SULT6B1: variants seen among roughly 807,000 people sequenced by gnomAD.
SULT6B1 encodes the protein sulfotransferase family 6B member 1, also known as sulfotransferase 6B1.
SULT6B1 carries 44 observed loss-of-function variants against 37.2 expected under a neutral mutation model. That is an observed-to-expected ratio of 1.18 (90% CI 0.93 to 1.52). The LOEUF (loss-of-function observed/expected upper bound fraction) is 1.52, where lower values mean the gene tolerates loss of function less well. SULT6B1 is among the 40% of genes most tolerant of loss of function. The pLI, the probability that SULT6B1 is intolerant of heterozygous loss-of-function variation, is 0.00. For missense variants in SULT6B1, 450 were observed against 361.0 expected (o/e 1.25, Z -2.00); for synonymous variants, 140 against 126.0 (o/e 1.11, Z -0.74).
chr2:37,185,717 CAAAAAAA>C lies in SULT6B1; in HGVS notation c.312+1631_312+1637del, dbSNP rs200087048. 2.8e-3 allele frequency among the ~76,000 whole-genome samples: 233 copies of C among 83,382 alleles called. 6 individuals are homozygous for C. Among genetic ancestry groups the C allele is most frequent in the South Asian group, 0.022 (50 of 2,320 alleles). 54.7% of individuals were successfully genotyped at this position (83,382 alleles called of 152,430 possible). A position where few individuals can be genotyped will look rare whatever the true frequency, so the allele number is the denominator to read the frequency against. On this transcript the variant is annotated intron_variant, in intron 2 of 6. Coordinates refer to ENST00000535679, the MANE Select transcript of SULT6B1 (RefSeq NM_001367551.1). ...TGGGTGACAGAGTGAGACTCCATTTCAAAAAAAAAAAAAAAAAAAACAGAGAGAGAGA... is the reference window on the plus strand; with the variant it reads ...TGGGTGACAGAGTGAGACTCCATTTCAAAAAAAAAAAAACAGAGAGAGAGA...
chr2:37,194,816 A>T (rs538291807), intron 1 of SULT6B1: 2 of 148,916 alleles, frequency 1.3e-5, no homozygotes, highest in East Asian at 4.0e-4. Flanking sequence ...TTCAATCTGA[A>T]CCATTCCAAT....
chr2:37,168,374 TCTCGAA>T (rs1299621148), intron 6 of SULT6B1, among the ~76,000 whole-genome samples: 2 of 152,258 alleles, frequency 1.3e-5, no homozygotes, highest in African/African-American at 4.8e-5. Context: ...GCCAGGCTTG[TCTCGAA>T]CTCCTGACCT....
intron 4 of SULT6B1, among the ~76,000 whole-genome samples, chr2:37,177,411 C>CAAAAAA (rs57205863): frequency 1.2e-4 from 9 of 76,280 alleles, no homozygotes; most frequent in Admixed American, 1.8e-4. Context: ...AATCTTGTCT[C>CAAAAAA]AAAAAAAAAA....
intron 5 of SULT6B1, among the ~76,000 whole-genome samples, chr2:37,174,323 C>G (rs1676368230): frequency 6.9e-6 from 1 of 145,714 alleles, no homozygotes; most frequent in Non-Finnish European, 1.5e-5. Flanking sequence ...CAGCCTCTAC[C>G]TCTTAGGCTC....
chr2:37,172,861 T>G (rs187584572), intron 5 of SULT6B1, among the ~76,000 whole-genome samples: 1 of 150,692 alleles, frequency 6.6e-6, no homozygotes, highest in African/African-American at 2.4e-5. Context: ...TTTTCGTTTG[T>G]TTGTTTTTTG....
At chr2:37,194,583 CA>C in intron 1 of SULT6B1, 2 of 373,174 alleles carry the variant, frequency 5.4e-6, no homozygotes, top group Non-Finnish European at 1.0e-5. Context: ...TCCTTCATTG[CA>C]AAATTTCCGG....
In SULT6B1 at chr2:37,188,556, T is replaced by A. The variant is rs766457567; in HGVS notation, c.85A>T (p.Thr29Ser). Residue 29 changes from threonine to serine, a missense_variant, in exon 1 of 7, where the codon ACC (threonine) becomes TCC (serine). Physicochemically the swap from Thr to Ser is moderately conservative, Grantham distance 58. Coordinates refer to ENST00000535679, the MANE Select transcript of SULT6B1 (RefSeq NM_001367551.1). ...KETALSHLFF[T>S]YQGIPYPITM... is the part of the protein sequence containing the mutation. Reference sequence around the variant, plus strand: ...ATGGGGTAAGGAATCCCCTGATAGGTGAAAAATAAATGAGAGAGTGCAGTT... The same window carrying A: ...ATGGGGTAAGGAATCCCCTGATAGGAGAAAAATAAATGAGAGAGTGCAGTT... 1 of 1,610,046 alleles carries A rather than the reference T, an allele frequency of 6.2e-7. No individual in the cohort carries two copies. Among genetic ancestry groups the A allele is most frequent in the Non-Finnish European group, 8.5e-7 (1 of 1,176,280 alleles).
chr2:37,187,365 T>C lies in SULT6B1; in HGVS notation c.302A>G (p.Glu101Gly), dbSNP rs1376447195. ...GCTGGTTGTACTAACCTGATATTTT[T>C]CTGAATCCCCACATTCAAGAACTGG... ...EFPVLECGDS[E>G]KYQRMKGFPS... The change falls in exon 2 of 7, where the codon GAA (glutamate) becomes GGA (glycine). Residue 101 changes from glutamate (E) to glycine (G), a missense_variant. Transcript: ENST00000535679. 6.3e-7 allele frequency: 1 copy of C among 1,592,804 alleles called. No individual in the cohort carries two copies. Among genetic ancestry groups the C allele is most frequent in the East Asian group, 2.2e-5 (1 of 44,648 alleles).
rs1676838466 is a variant in SULT6B1, at chr2:37,193,894, CT to C, written c.-22+2621del. On this transcript the variant is annotated intron_variant, in intron 1 of 7. Coordinates refer to the SULT6B1 transcript ENST00000407963. ...AAATCAGGCTAGGACCAGGAAGGCA[CT>C]GTCGCTAAAGGACCCTTGGTAAAAG... is the stretch of plus-strand genomic sequence containing the variant. Among the ~76,000 whole-genome samples, 3 of 152,212 alleles carry C rather than the reference CT, an allele frequency of 2.0e-5. No individual in the cohort carries two copies. In the South Asian group the frequency reaches 6.2e-4, roughly 31 times the overall value.
At chr2:37,174,227 CTTTTTTTT>C (rs35100458) in intron 5 of SULT6B1, among the ~76,000 whole-genome samples, 62 of 58,488 alleles carry the variant, frequency 1.1e-3, no homozygotes, top group Middle Eastern at 0.012. Context: ...TCTTCCTATT[CTTTTTTTT>C]TTTTTTTTTT....
intron 2 of SULT6B1, among the ~76,000 whole-genome samples, chr2:37,183,768 C>T (rs149884989): frequency 2.0e-4 from 31 of 152,216 alleles, no homozygotes; most frequent in Middle Eastern, 6.8e-3. Flanking sequence ...CTCAGCCTCC[C>T]GAGTAGCTGG....
chr2:37,195,688 C>G (rs1186431070), intron 1 of SULT6B1, among the ~76,000 whole-genome samples: 1 of 152,218 alleles, frequency 6.6e-6, no homozygotes, highest in African/African-American at 2.4e-5. Flanking sequence ...TTGTCTTGCA[C>G]ACGGTACTTC....
chr2:37,178,228 C>A (rs1572459394), intron 4 of SULT6B1, among the ~76,000 whole-genome samples: 2 of 151,828 alleles, frequency 1.3e-5, no homozygotes, highest in South Asian at 2.1e-4. Context: ...ATTTTTATTT[C>A]TTTATTTTTT....
intron 6 of SULT6B1, 53 bp from the exon 7 acceptor site, chr2:37,168,118 T>C: frequency 6.7e-7 from 1 of 1,493,646 alleles, no homozygotes; most frequent in Non-Finnish European, 8.9e-7. Flanking sequence ...TATTTCTTCA[T>C]GATTTTACCA....
chr2:37,175,506 A>G (rs1337825649), intron 4 of SULT6B1, among the ~76,000 whole-genome samples: 2 of 152,216 alleles, frequency 1.3e-5, no homozygotes, highest in Non-Finnish European at 2.9e-5. Flanking sequence ...ATGAATATTT[A>G]GGTGGATTAA....
intron 2 of SULT6B1, 147 bp from the exon 3 acceptor site, chr2:37,183,661 T>C: frequency 1.6e-6 from 1 of 624,370 alleles, no homozygotes; most frequent in East Asian, 2.8e-5. Context: ...TTTTCTTTTT[T>C]GAAACAGAGT....
intron 1 of SULT6B1, 57 bp downstream of exon 1, chr2:37,188,385 C>T: frequency 1.4e-6 from 2 of 1,464,562 alleles, no homozygotes; most frequent in South Asian, 2.5e-5. Context: ...TGTCTCATAC[C>T]CTCCCCAACC....
At chr2:37,192,190 AAT>A (rs1572469242), upstream of SULT6B1, among the ~76,000 whole-genome samples, 1 of 152,214 alleles carries the variant, frequency 6.6e-6, no homozygotes, top group Admixed American at 6.5e-5. Flanking sequence ...TACTATATTC[AAT>A]ATATATATCA....
At chr2:37,183,924 G>A (rs1362756610) in intron 2 of SULT6B1, among the ~76,000 whole-genome samples, 1 of 152,120 alleles carries the variant, frequency 6.6e-6, no homozygotes, top group Non-Finnish European at 1.5e-5. Context: ...GATTACAGGC[G>A]TGAGCCACTG....
Sources: gnomAD v4.1 joint callset for allele counts (sites outside exome capture counted in the v4.1 genomes callset) on GRCh38, gnomAD v4.1.1 for gene constraint, MANE v1.5 for transcripts, NCBI Gene and HGNC (gene_info 2026-07-23, HGNC 2026-07-21) for gene names.